Variants in ALK observed in about 807,000 individuals in gnomAD.
ALK encodes the protein ALK tyrosine kinase receptor.
In ALK, 74 loss-of-function variants were observed where a neutral mutation model predicts 163.1. The ratio of observed to expected loss-of-function variants is 0.45; its 90% CI spans 0.38 to 0.55. The LOEUF (loss-of-function observed/expected upper bound fraction) is 0.55. Ranked by LOEUF, ALK falls within the 20% of genes least tolerant of loss-of-function variation. ALK has a pLI of 0.00. For synonymous variants in ALK, 960 were observed against 843.2 expected, an observed-to-expected ratio of 1.14 and a Z score of -2.40; for missense variants, 2,063 against 2,105.3, an observed-to-expected ratio of 0.98 and a Z score of 0.39.
intron 4 of ALK, among the ~76,000 whole-genome samples, chr2:29,504,488 G>T (rs1261954442): frequency 6.6e-6 from 1 of 152,318 alleles, no homozygotes; most frequent in Non-Finnish European, 1.5e-5. Flanking sequence ...TGCTGTATCA[G>T]TTGACCAGGT....
intron 4 of ALK, among the ~76,000 whole-genome samples, chr2:29,476,078 C>CT (rs1490376573): frequency 1.3e-5 from 2 of 152,192 alleles, no homozygotes; most frequent in Non-Finnish European, 2.9e-5. Flanking sequence ...GGTCAGGAGA[C>CT]TCCCTCTAGA....
At chr2:29,226,772 G>A (rs909143375) in intron 18 of ALK, 150 bp downstream of exon 18, 2 of 980,608 alleles carry the variant, frequency 2.0e-6, no homozygotes, top group African/African-American at 3.2e-5. Context: ...TCACACAGTG[G>A]TCAGAGCACT....
intron 1 of ALK, among the ~76,000 whole-genome samples, chr2:29,830,070 C>T (rs769834502): frequency 1.8e-4 from 27 of 152,352 alleles, no homozygotes; most frequent in East Asian, 1.2e-3. Flanking sequence ...AGAAGTTTAA[C>T]GTTGACTTGG....
At chr2:29,225,185 C>T (rs191924389) in intron 19 of ALK, among the ~76,000 whole-genome samples, 2 of 152,198 alleles carry the variant, frequency 1.3e-5, no homozygotes, top group East Asian at 3.9e-4. Flanking sequence ...TCGTGATGGA[C>T]ACTGAAGGAG....
intron 19 of ALK, 40 bp from the exon 20 acceptor site, chr2:29,223,568 T>G: frequency 6.2e-7 from 1 of 1,603,160 alleles, no homozygotes; most frequent in Non-Finnish European, 8.5e-7. Context: ...CCTGGCAGCC[T>G]GGCCCTTGAA....
At chr2:29,295,526 C>T (rs1666149271) in intron 9 of ALK, among the ~76,000 whole-genome samples, 1 of 152,194 alleles carries the variant, frequency 6.6e-6, no homozygotes, top group South Asian at 2.1e-4. Context: ...GTCACTGATC[C>T]TTGGAATGTC....
intron 9 of ALK, among the ~76,000 whole-genome samples, chr2:29,286,145 T>C (rs1296867848): frequency 6.6e-6 from 1 of 152,190 alleles, no homozygotes; most frequent in African/African-American, 2.4e-5. Flanking sequence ...ACTGCTCCTG[T>C]ATCTGGACGT....
chr2:29,871,763 G>T (rs923239983), intron 1 of ALK, among the ~76,000 whole-genome samples: 1 of 152,298 alleles, frequency 6.6e-6, no homozygotes, highest in Non-Finnish European at 1.5e-5. Context: ...AAAAACTGAA[G>T]TCCAGAGAGA....
intron 4 of ALK, among the ~76,000 whole-genome samples, chr2:29,461,279 T>C (rs1476853376): frequency 6.6e-6 from 1 of 152,206 alleles, no homozygotes; most frequent in Non-Finnish European, 1.5e-5. Flanking sequence ...CTGCAGCAAG[T>C]TATCTAGAGA....
At chr2:29,275,028 C>G in intron 11 of ALK, 71 bp downstream of exon 11, 1 of 1,595,866 alleles carries the variant, frequency 6.3e-7, no homozygotes, top group South Asian at 1.1e-5. Flanking sequence ...ACCCTAAAGA[C>G]AGCACCAATC....
chr2:29,424,297 T>C (rs1294568539), intron 4 of ALK, among the ~76,000 whole-genome samples: 2 of 152,144 alleles, frequency 1.3e-5, no homozygotes, highest in Non-Finnish European at 2.9e-5. Context: ...ATGACCAACC[T>C]AAAAATAGCC....
chr2:29,473,998 A>T (rs534118586), intron 4 of ALK, among the ~76,000 whole-genome samples: 22 of 152,356 alleles, frequency 1.4e-4, no homozygotes, highest in South Asian at 1.2e-3. Flanking sequence ...AAGTTGGTAC[A>T]ATTACTTTGG....
At chr2:29,883,125 AG>A (rs1196799588) in intron 1 of ALK, among the ~76,000 whole-genome samples, 1 of 151,964 alleles carries the variant, frequency 6.6e-6, no homozygotes, top group Non-Finnish European at 1.5e-5. Context: ...AGGGAAGGGA[AG>A]GTAAAAGAAA....
chr2:29,671,025 T>G (rs1677667224), intron 3 of ALK, among the ~76,000 whole-genome samples: 1 of 152,082 alleles, frequency 6.6e-6, no homozygotes, highest in Non-Finnish European at 1.5e-5. Context: ...TTTGTCCTTT[T>G]GGTAGGTCAT....
intron 1 of ALK, among the ~76,000 whole-genome samples, chr2:29,894,828 C>T (rs1178294762): frequency 6.8e-6 from 1 of 147,542 alleles, no homozygotes; most frequent in Non-Finnish European, 1.5e-5. Context: ...GAATGTGATG[C>T]TTCAAACACA....
At chr2:29,907,428 C>T (rs1348016761) in intron 1 of ALK, among the ~76,000 whole-genome samples, 3 of 152,092 alleles carry the variant, frequency 2.0e-5, no homozygotes, top group Non-Finnish European at 4.4e-5. Flanking sequence ...TTCTTCAGCA[C>T]TCTCTCTAAA....
chr2:29,867,533 T>C (rs748832312), intron 1 of ALK, among the ~76,000 whole-genome samples: 2 of 152,174 alleles, frequency 1.3e-5, no homozygotes, highest in Non-Finnish European at 2.9e-5. Context: ...GACCGTTTTG[T>C]CTCTGACAAT....
At chr2:29,389,341 C>T (rs1350691701) in intron 4 of ALK, among the ~76,000 whole-genome samples, 2 of 152,014 alleles carry the variant, frequency 1.3e-5, no homozygotes, top group Non-Finnish European at 2.9e-5. Context: ...ATCTTGAGGA[C>T]GGGTTGTGAA....
intron 3 of ALK, among the ~76,000 whole-genome samples, chr2:29,631,814 C>T (rs1676385549): frequency 6.6e-6 from 1 of 152,230 alleles, no homozygotes; most frequent in African/African-American, 2.4e-5. Context: ...TCCATGTGTC[C>T]TACCTCAGTC....
Sources: allele counts gnomAD v4.1 joint callset (sites outside exome capture counted in the v4.1 genomes callset), GRCh38; gene constraint gnomAD v4.1.1; transcripts MANE v1.5; gene names NCBI Gene and HGNC (gene_info 2026-07-23, HGNC 2026-07-21).